PIBF1: variants seen among roughly 807,000 people sequenced by gnomAD.
The protein encoded by PIBF1 is progesterone immunomodulatory binding factor 1.
PIBF1 carries 90 observed loss-of-function variants against 112.5 expected under a neutral mutation model. The observed-to-expected ratio is 0.80, with a 90% CI of 0.67 to 0.95. PIBF1 has a LOEUF of 0.95. PIBF1 is among the 40% of genes least tolerant of loss of function. The probability of loss-of-function intolerance (pLI) is 0.00; values close to 1 mark genes in which losing one functional copy is unlikely to be tolerated. For synonymous variants in PIBF1, 301 were observed against 288.6 expected (o/e 1.04, Z -0.44); for missense variants, 915 against 852.3 (o/e 1.07, Z -0.92).
At chr13:72,862,454 T>A in intron 10 of PIBF1, among the ~76,000 whole-genome samples, 1 of 152,096 alleles carries the variant, frequency 6.6e-6, no homozygotes, top group Non-Finnish European at 1.5e-5. Flanking sequence ...AATAAATTAA[T>A]TAATTTGGTT....
intron 5 of PIBF1, among the ~76,000 whole-genome samples, chr13:72,803,270 T>A (rs2035571590): frequency 6.6e-6 from 1 of 151,862 alleles, no homozygotes; most frequent in Admixed American, 6.6e-5. Flanking sequence ...TGTTTTTTGT[T>A]TTTTTCCTTA....
At chr13:72,951,817 T>A (rs1172245064) in intron 14 of PIBF1, among the ~76,000 whole-genome samples, 1 of 152,114 alleles carries the variant, frequency 6.6e-6, no homozygotes, top group Non-Finnish European at 1.5e-5. Context: ...TTCTCATGCA[T>A]CAGCCTTCCA....
intron 10 of PIBF1, among the ~76,000 whole-genome samples, chr13:72,854,897 T>G (rs1290470982): frequency 6.6e-6 from 1 of 152,126 alleles, no homozygotes; most frequent in Non-Finnish European, 1.5e-5. Context: ...ATATCTTTAA[T>G]TTACCAATAG....
chr13:72,813,091 G>T (rs753439512), intron 5 of PIBF1, among the ~76,000 whole-genome samples: 27 of 152,170 alleles, frequency 1.8e-4, no homozygotes, highest in African/African-American at 6.0e-4. Flanking sequence ...AGAGAAAAAT[G>T]ATGACAATAT....
chr13:72,839,970 C>CA (rs2037533608), intron 9 of PIBF1, among the ~76,000 whole-genome samples: 2 of 152,094 alleles, frequency 1.3e-5, no homozygotes, highest in South Asian at 4.1e-4. Flanking sequence ...GTGGATGCCC[C>CA]AGCCAGCCAC....
chr13:72,994,621 G>A (rs1047484007), intron 16 of PIBF1, among the ~76,000 whole-genome samples: 3 of 152,086 alleles, frequency 2.0e-5, no homozygotes, highest in African/African-American at 7.2e-5. Flanking sequence ...TTATAGAAGA[G>A]GAAAGTAGAA....
chr13:72,931,740 A>ATATATATATATATATATATATATG (rs1342426606), intron 14 of PIBF1, among the ~76,000 whole-genome samples: 5 of 143,674 alleles, frequency 3.5e-5, no homozygotes, highest in South Asian at 2.2e-4. Flanking sequence ...ATATATATAT[A>ATATATATATATATATATATATATG]TATGTATGCA....
chr13:72,823,005 G>T (rs1593979052), intron 6 of PIBF1, among the ~76,000 whole-genome samples: 3 of 152,154 alleles, frequency 2.0e-5, no homozygotes. Flanking sequence ...TGAGGTGGGA[G>T]GACTGCTTAA....
At chr13:72,905,993 C>G (rs560373340) in intron 11 of PIBF1, among the ~76,000 whole-genome samples, 11 of 152,256 alleles carry the variant, frequency 7.2e-5, no homozygotes, top group Non-Finnish European at 1.3e-4. Flanking sequence ...CACAGTGCCT[C>G]TCTCATAATG....
At chr13:72,880,465 T>C (rs1259365372) in intron 10 of PIBF1, among the ~76,000 whole-genome samples, 1 of 152,244 alleles carries the variant, frequency 6.6e-6, no homozygotes, top group Non-Finnish European at 1.5e-5. Context: ...GTGCTTACTG[T>C]ACCAATACAG....
At chr13:72,883,467 CAG>C (rs1251456586) in intron 10 of PIBF1, among the ~76,000 whole-genome samples, 1 of 152,102 alleles carries the variant, frequency 6.6e-6, no homozygotes, top group Non-Finnish European at 1.5e-5. Context: ...TTTTTTTAGA[CAG>C]AGTCTCTCTC....
chr13:72,963,283 T>C (rs1007056452), intron 14 of PIBF1, among the ~76,000 whole-genome samples: 1 of 152,130 alleles, frequency 6.6e-6, no homozygotes, highest in Admixed American at 6.5e-5. Context: ...TTCCTAATTA[T>C]AAAAAATTGT....
At chr13:72,808,771 T>C (rs993165658) in intron 5 of PIBF1, among the ~76,000 whole-genome samples, 25 of 152,162 alleles carry the variant, frequency 1.6e-4, no homozygotes, top group African/African-American at 6.0e-4. Flanking sequence ...CCAAAGATTT[T>C]CTCATGCACC....
chr13:72,995,689 C>T (rs140686580), intron 16 of PIBF1, among the ~76,000 whole-genome samples: 1 of 152,194 alleles, frequency 6.6e-6, no homozygotes, highest in African/African-American at 2.4e-5. Flanking sequence ...CAGTGACTCA[C>T]GCCTGTAATC....
intron 13 of PIBF1, among the ~76,000 whole-genome samples, chr13:72,927,976 T>TATATATACAC (rs2041557935): frequency 1.2e-5 from 1 of 81,098 alleles, no homozygotes; most frequent in African/African-American, 4.0e-5. Flanking sequence ...TATATATATA[T>TATATATACAC]ACATATATAT....
chr13:72,949,293 T>C (rs1401509032), intron 14 of PIBF1, among the ~76,000 whole-genome samples: 2 of 135,194 alleles, frequency 1.5e-5, no homozygotes, highest in African/African-American at 5.5e-5. Flanking sequence ...CCTAGACAAA[T>C]AGCTGTCTTT....
Position 72,965,339 on chromosome 13 carries a change from G to A in PIBF1, c.1899G>A (p.Val633=). The change falls in exon 15 of 18, where the codon GTG becomes GTA. Residue 633 remains valine (V), a synonymous_variant. Coordinates refer to ENST00000326291, the MANE Select transcript of PIBF1 (RefSeq NM_006346.4). The part of the protein sequence containing the change: ...QQPYRYLIES[V]RQRDSKIDSL... Reference sequence around the variant, plus strand: ...CTTACAGGTATCTCATTGAATCAGTGCGTCAGAGAGATTCTAAGATTGATT... The same window carrying A: ...CTTACAGGTATCTCATTGAATCAGTACGTCAGAGAGATTCTAAGATTGATT... The A allele has an allele frequency of 6.2e-7, 1 of 1,610,124 alleles. No individual in the cohort carries two copies. The highest frequency in any genetic ancestry group is 8.5e-7 in the Non-Finnish European group (1 of 1,176,820).
intron 17 of PIBF1, among the ~76,000 whole-genome samples, chr13:73,012,238 G>T (rs1160032067): frequency 1.1e-4 from 16 of 152,072 alleles, no homozygotes; most frequent in Non-Finnish European, 1.5e-5. Flanking sequence ...TGTAATCCCA[G>T]CTACTTGGGA....
At chr13:72,889,728 A>C (rs2039986461) in intron 10 of PIBF1, among the ~76,000 whole-genome samples, 1 of 152,088 alleles carries the variant, frequency 6.6e-6, no homozygotes, top group Non-Finnish European at 1.5e-5. Context: ...CAGCTGCTGC[A>C]CTATCTTACT....
Sources: gnomAD v4.1 joint callset for allele counts (sites outside exome capture counted in the v4.1 genomes callset) on GRCh38, gnomAD v4.1.1 for gene constraint, MANE v1.5 for transcripts, NCBI Gene and HGNC (gene_info 2026-07-23, HGNC 2026-07-21) for gene names.